Variants in RANBP17 observed in about 807,000 individuals in gnomAD.
RANBP17 encodes the protein ran-binding protein 17.
In RANBP17, 158 loss-of-function variants were observed where a neutral mutation model predicts 141.2. The observed-to-expected ratio is 1.12, with a 90% CI of 0.98 to 1.28. The LOEUF is 1.28. Ranked by LOEUF, RANBP17 falls within the 50% of genes most tolerant of loss-of-function variation. RANBP17 has a pLI of 0.00. For missense variants in RANBP17, 1,438 were observed against 1,290.7 expected (o/e 1.11, Z -1.75); for synonymous variants, 430 against 450.0 (o/e 0.96, Z 0.56).
intron 14 of RANBP17, among the ~76,000 whole-genome samples, chr5:171,006,940 G>A (rs556274099): frequency 4.6e-5 from 7 of 152,182 alleles, no homozygotes; most frequent in African/African-American, 9.6e-5. Context: ...AGGAAACCAC[G>A]TAATCTCGCT....
At chr5:170,949,672 A>G (rs1775049380) in intron 12 of RANBP17, among the ~76,000 whole-genome samples, 1 of 152,210 alleles carries the variant, frequency 6.6e-6, no homozygotes, top group Admixed American at 6.5e-5. Context: ...GCAGTTCCTC[A>G]AAATGTGAAA....
Position 170,911,071 on chromosome 5 carries a change from A to AAG in RANBP17, c.697_698insAG (p.Ser233LysfsTer47). ...CTGCCTTAACTTTGACTTCATTGGC[A>AAG]GTTCAGCAGATGAATCTGCAGATGA... On this transcript the variant is annotated frameshift_variant, in exon 7 of 28. Coordinates refer to ENST00000523189, the MANE Select transcript of RANBP17 (RefSeq NM_022897.5). LOFTEE classifies it high-confidence loss of function. 1 of 1,612,126 alleles carries AAG rather than the reference A, an allele frequency of 6.2e-7. No individual in the cohort carries two copies. Among genetic ancestry groups the AAG allele is most frequent in the Non-Finnish European group, 8.5e-7 (1 of 1,178,708 alleles).
rs796804625 is a variant in RANBP17 at position 171,166,878 on chromosome 5, A to G, written c.1711-3252A>G. Among the ~76,000 whole-genome samples, 6 of 152,196 alleles carry G rather than the reference A, an allele frequency of 3.9e-5. No homozygotes were observed. In the South Asian group the frequency reaches 1.0e-3, roughly 26 times the overall value. On this transcript the variant is annotated intron_variant, in intron 14 of 27. Coordinates refer to ENST00000523189, the MANE Select transcript of RANBP17 (RefSeq NM_022897.5). ...ATTGTTGCTCTTAATGAGCTTTTCA[A>G]TTTACTATTCAGTAGATCAGATAAG...
At chr5:171,171,768 A>G (rs1378118975) in intron 16 of RANBP17, among the ~76,000 whole-genome samples, 1 of 152,000 alleles carries the variant, frequency 6.6e-6, no homozygotes, top group East Asian at 1.9e-4. Context: ...GAAAGGCACA[A>G]TGGAGTAATA....
At chr5:171,182,855 A>G (rs1467302212) in intron 16 of RANBP17, among the ~76,000 whole-genome samples, 1 of 152,194 alleles carries the variant, frequency 6.6e-6, no homozygotes, top group East Asian at 1.9e-4. Flanking sequence ...AGTTACACCC[A>G]AAATATAAAA....
intron 12 of RANBP17, among the ~76,000 whole-genome samples, chr5:170,934,424 A>G (rs1270099525): frequency 2.0e-5 from 3 of 151,858 alleles, no homozygotes; most frequent in African/African-American, 7.3e-5. Flanking sequence ...TCTTCCTAGT[A>G]TTGGTCTTAT....
chr5:170,899,484 T>A (rs951837258), intron 5 of RANBP17, among the ~76,000 whole-genome samples: 1 of 152,254 alleles, frequency 6.6e-6, no homozygotes, highest in African/African-American at 2.4e-5. Flanking sequence ...TTTGACTTCC[T>A]ATCTTCCTAT....
At position 171,125,464 on chromosome 5, in the gene RANBP17, G is replaced by A. The variant is rs1286617996; in HGVS notation, c.1711-44666G>A. ...GATAAAGAGATGAGTGCAACAAAAG[G>A]ATATAATAGTTGTAAATATATATGC... On this transcript the variant is annotated intron_variant, in intron 14 of 27. Transcript: ENST00000523189. 5.3e-5 allele frequency among the ~76,000 whole-genome samples: 8 copies of A among 150,888 alleles called. No individual in the cohort carries two copies. In the East Asian group the frequency reaches 1.6e-3, roughly 29 times the overall value.
intron 14 of RANBP17, among the ~76,000 whole-genome samples, chr5:171,148,342 C>G (rs1017851675): frequency 1.1e-4 from 16 of 151,834 alleles, no homozygotes; most frequent in Non-Finnish European, 2.1e-4. Flanking sequence ...GTCCCATGAC[C>G]CTGCCAAATC....
chr5:171,253,318 G>A (rs1459829450), intron 24 of RANBP17, among the ~76,000 whole-genome samples: 1 of 152,126 alleles, frequency 6.6e-6, no homozygotes, highest in Non-Finnish European at 1.5e-5. Flanking sequence ...GAATTCCTTG[G>A]GGGTGCAGTA....
rs924579510 is a variant in RANBP17 at position 170,910,993 on chromosome 5, C to T, written c.619C>T (p.Gln207Ter). The T allele has an allele frequency of 1.9e-6, 3 of 1,611,118 alleles. No homozygotes were observed. Among genetic ancestry groups the T allele is most frequent in the African/African-American group, 2.7e-5 (2 of 74,800 alleles). ...KEVFAKPLNL[Q>*]DQCQQNLVMQ... ...GGTGTTTGCCAAACCTTTAAATCTT[C>T]AGGATCAATGTCAGCAAAATCTGGT... Residue 207 changes from glutamine (Q) to a stop codon, truncating the protein, a stop_gained, in exon 7 of 28, where the codon CAG (glutamine) becomes TAG (stop). Coordinates refer to ENST00000523189, the MANE Select transcript of RANBP17 (RefSeq NM_022897.5). LOFTEE classifies it high-confidence loss of function.
At chr5:170,948,422 A>C (rs945723316) in intron 12 of RANBP17, among the ~76,000 whole-genome samples, 1 of 152,212 alleles carries the variant, frequency 6.6e-6, no homozygotes, top group South Asian at 2.1e-4. Flanking sequence ...ATTTTTTAAC[A>C]ATCAGCAATT....
chr5:170,992,259 T>G (rs988594186), intron 14 of RANBP17, among the ~76,000 whole-genome samples: 25 of 152,106 alleles, frequency 1.6e-4, no homozygotes, highest in African/African-American at 5.8e-4. Flanking sequence ...AACTGGCTAT[T>G]AACTCTATCT....
chr5:171,199,896 A>C (rs1272940679), intron 19 of RANBP17, 123 bp downstream of exon 19: 2 of 495,312 alleles, frequency 4.0e-6, no homozygotes. Flanking sequence ...TCCCAATTGC[A>C]TGTCTTTAAT....
At chr5:171,071,220 A>G (rs568784857) in intron 14 of RANBP17, among the ~76,000 whole-genome samples, 1 of 152,140 alleles carries the variant, frequency 6.6e-6, no homozygotes, top group East Asian at 1.9e-4. Context: ...ACTTTTATTT[A>G]ATGTGTATGT....
At chr5:171,004,146 T>G (rs964608116) in intron 14 of RANBP17, among the ~76,000 whole-genome samples, 4 of 151,908 alleles carry the variant, frequency 2.6e-5, no homozygotes, top group Non-Finnish European at 1.5e-5. Flanking sequence ...ACTGGCATTG[T>G]GTGGGGTAAG....
At chr5:171,233,564 AAAAT>A (rs1316434693) in intron 22 of RANBP17, among the ~76,000 whole-genome samples, 5 of 152,382 alleles carry the variant, frequency 3.3e-5, no homozygotes, top group East Asian at 3.9e-4. Flanking sequence ...GCACTAAAAA[AAAAT>A]AAATAAAGCT....
chr5:171,036,337 C>A (rs1258820259), intron 14 of RANBP17, among the ~76,000 whole-genome samples: 1 of 152,170 alleles, frequency 6.6e-6, no homozygotes, highest in African/African-American at 2.4e-5. Flanking sequence ...CCATCTGCAT[C>A]CATGTTGCTG....
chr5:171,202,040 T>C (rs1762326967), intron 19 of RANBP17, among the ~76,000 whole-genome samples: 1 of 152,200 alleles, frequency 6.6e-6, no homozygotes, highest in Non-Finnish European at 1.5e-5. Flanking sequence ...TAACTCCCTA[T>C]TTATAGATAG....
Sources: allele counts gnomAD v4.1 joint callset (sites outside exome capture counted in the v4.1 genomes callset), GRCh38; gene constraint gnomAD v4.1.1; transcripts MANE v1.5; gene names NCBI Gene and HGNC (gene_info 2026-07-23, HGNC 2026-07-21).